The following NRXN3 variants were observed in gnomAD, a reference collection of about 807,000 sequenced individuals.
NRXN3 encodes the protein neurexin III.
NRXN3 carries 32 observed loss-of-function variants against 137.6 expected under a neutral mutation model. The observed-to-expected ratio is 0.23, with a 90% CI of 0.18 to 0.31. NRXN3 has a LOEUF of 0.31. NRXN3 is among the 10% of genes least tolerant of loss of function. The pLI, the probability that NRXN3 is intolerant of heterozygous loss-of-function variation, is 1.00. For missense variants in NRXN3, 1,574 were observed against 2,062.5 expected, an observed-to-expected ratio of 0.76 and a Z score of 4.59; for synonymous variants, 798 against 784.5, an observed-to-expected ratio of 1.02 and a Z score of -0.29.
chr14:78,835,623 A>G (rs2098994514), intron 10 of NRXN3, among the ~76,000 whole-genome samples: 1 of 152,016 alleles, frequency 6.6e-6, no homozygotes, highest in African/African-American at 2.4e-5. Context: ...TTTTGTTGCT[A>G]TTGCTCTAGT....
intron 4 of NRXN3, chr14:78,403,941 T>C: frequency 1.1e-6 from 1 of 936,204 alleles, no homozygotes. Flanking sequence ...GGTGGGCTGT[T>C]CCCCATTTGC....
chr14:78,723,327 C>A (rs2098468683), intron 8 of NRXN3, among the ~76,000 whole-genome samples: 1 of 152,138 alleles, frequency 6.6e-6, no homozygotes, highest in South Asian at 2.1e-4. Flanking sequence ...AGTTTTCGAA[C>A]ATATCTGATA....
chr14:79,356,685 G>A (rs1484614497), intron 15 of NRXN3, among the ~76,000 whole-genome samples: 1 of 152,048 alleles, frequency 6.6e-6, no homozygotes, highest in African/African-American at 2.4e-5. Flanking sequence ...CCGCCCCACT[G>A]CCTCCCCATT....
intron 11 of NRXN3, among the ~76,000 whole-genome samples, chr14:78,964,479 C>CTGGT (rs921702865): frequency 2.6e-5 from 4 of 152,186 alleles, no homozygotes; most frequent in African/African-American, 9.6e-5. Flanking sequence ...GTGTTAGGGG[C>CTGGT]TGAGCTAAGC....
Position 79,566,304 on chromosome 14 carries a change from G to T in NRXN3, c.3445-97474G>T, listed in dbSNP as rs1285057608. Among the ~76,000 whole-genome samples the T allele has an allele frequency of 6.6e-5, 10 of 152,206 alleles. No homozygotes were observed. In the South Asian group the frequency reaches 1.9e-3, roughly 28 times the overall value. On this transcript the variant is annotated intron_variant, in intron 16 of 20. Transcript: ENST00000335750. ...CTCTGGGATAAAGCCAAACAGAGAA[G>T]AAACTCAAGGACCATAGAATCTTTC...
chr14:78,243,380 C>T lies in NRXN3; in HGVS notation c.287C>T (p.Thr96Ile). 1 of 1,564,962 alleles carries T rather than the reference C, an allele frequency of 6.4e-7. No homozygotes were observed. The highest frequency in any genetic ancestry group is 1.2e-5 in the South Asian group (1 of 86,362). ...QLRFSMDCAE[T>I]AVLSNKQVND... is the part of the protein sequence containing the mutation. Reference sequence around the variant, plus strand: ...CGCTTCAGCATGGACTGTGCCGAGACTGCCGTGCTGTCCAACAAGCAGGTG... The same window carrying T: ...CGCTTCAGCATGGACTGTGCCGAGATTGCCGTGCTGTCCAACAAGCAGGTG... Residue 96 changes from threonine to isoleucine, a missense_variant, in exon 2 of 21, where the codon ACT (threonine) becomes ATT (isoleucine). Physicochemically the swap from Thr to Ile is moderately conservative, Grantham distance 89 (BLOSUM62 -1). Transcript: ENST00000335750. The surrounding 1 kb of genome is among the most constrained non-coding windows in gnomAD (Gnocchi z 4.2).
At chr14:79,504,059 T>G (rs970303309) in intron 16 of NRXN3, among the ~76,000 whole-genome samples, 1 of 152,202 alleles carries the variant, frequency 6.6e-6, no homozygotes, top group Admixed American at 6.5e-5. Context: ...TGGATCTATC[T>G]TCTATATATT....
chr14:78,345,893 G>A (rs1229782482), intron 4 of NRXN3, among the ~76,000 whole-genome samples: 1 of 152,178 alleles, frequency 6.6e-6, no homozygotes, highest in Non-Finnish European at 1.5e-5. Flanking sequence ...GTAGCATCAG[G>A]TCCCTGGGGA....
In NRXN3 at chr14:79,646,942, CT is replaced by C. The variant is rs139847123; in HGVS notation, c.3445-16833del. Among the ~76,000 whole-genome samples the C allele has an allele frequency of 5.7e-3, 777 of 135,662 alleles. 49 individuals are homozygous for C. The highest frequency in any genetic ancestry group is 0.018 in the African/African-American group (750 of 40,892). 89.0% of individuals were successfully genotyped at this position (135,662 alleles called of 152,430 possible). On this transcript the variant is annotated intron_variant, in intron 16 of 20. Coordinates refer to ENST00000335750, the MANE Select transcript of NRXN3 (RefSeq NM_001330195.2). Reference sequence around the variant, plus strand: ...CTGAGTGTATCCAGGCCTATTTCATCTTTGTAGGAGGCAAAGGGAAAGAGAA... The same window carrying C: ...CTGAGTGTATCCAGGCCTATTTCATCTTGTAGGAGGCAAAGGGAAAGAGAA...
At chr14:79,687,520 T>A (rs1221150869) in intron 17 of NRXN3, among the ~76,000 whole-genome samples, 1 of 152,232 alleles carries the variant, frequency 6.6e-6, no homozygotes, top group Non-Finnish European at 1.5e-5. Flanking sequence ...ATTTATTCTT[T>A]GACTGTTCAT....
chr14:78,490,069 C>T (rs1338706171), intron 4 of NRXN3, among the ~76,000 whole-genome samples: 1 of 152,096 alleles, frequency 6.6e-6, no homozygotes, highest in Non-Finnish European at 1.5e-5. Flanking sequence ...CACATGCCAC[C>T]ATGCCTGGCT....
intron 11 of NRXN3, among the ~76,000 whole-genome samples, chr14:78,962,143 G>C (rs2099409330): frequency 6.6e-6 from 1 of 152,166 alleles, no homozygotes; most frequent in African/African-American, 2.4e-5. Context: ...CATTGTACTA[G>C]TAAAGATATG....
chr14:79,117,865 C>G (rs748844305), intron 15 of NRXN3, among the ~76,000 whole-genome samples: 1 of 152,146 alleles, frequency 6.6e-6, no homozygotes, highest in Non-Finnish European at 1.5e-5. Flanking sequence ...ATGATCCCAC[C>G]AAGGCCTGGG....
chr14:78,205,370 A>G (rs1225662289), intron 1 of NRXN3, among the ~76,000 whole-genome samples: 3 of 152,252 alleles, frequency 2.0e-5, no homozygotes, highest in Non-Finnish European at 4.4e-5. Context: ...TACCACTGGC[A>G]TGGTGCAATG....
rs1598808964 is a variant in NRXN3 at position 79,331,949 on chromosome 14, T to C, written c.3263-135272T>C. On this transcript the variant is annotated intron_variant, in intron 15 of 20. Coordinates refer to ENST00000335750, the MANE Select transcript of NRXN3 (RefSeq NM_001330195.2). ...TGTATTTCATTCAGGCAGATACTTT[T>C]ACTTTATTACATTCCCAAATGAGGA... Among the ~76,000 whole-genome samples, 3 of 152,274 alleles carry C rather than the reference T, an allele frequency of 2.0e-5. No individual in the cohort carries two copies. The East Asian group carries it at 5.8e-4, about 29-fold the overall frequency.
chr14:78,675,064 G>A (rs1033152817), intron 6 of NRXN3, among the ~76,000 whole-genome samples: 6 of 152,202 alleles, frequency 3.9e-5, no homozygotes, highest in Admixed American at 2.0e-4. Context: ...GGTGGCACCA[G>A]ACTCTGAAGA....
At chr14:79,778,423 A>C (rs1482102626) in intron 19 of NRXN3, among the ~76,000 whole-genome samples, 1 of 152,212 alleles carries the variant, frequency 6.6e-6, no homozygotes, top group Non-Finnish European at 1.5e-5. Flanking sequence ...CTCAAAACAA[A>C]AAAACAAAAC....
intron 4 of NRXN3, among the ~76,000 whole-genome samples, chr14:78,403,169 A>G (rs2092230547): frequency 1.3e-5 from 2 of 152,222 alleles, no homozygotes; most frequent in African/African-American, 4.8e-5. Context: ...TATTTACTAC[A>G]GAATATTCCA....
At chr14:79,516,378 A>G (rs1030840105) in intron 16 of NRXN3, among the ~76,000 whole-genome samples, 1 of 152,108 alleles carries the variant, frequency 6.6e-6, no homozygotes, top group Admixed American at 6.5e-5. Context: ...TCCAGTCACA[A>G]GAGAGTTTGT....
Sources: allele counts gnomAD v4.1 joint callset (sites outside exome capture counted in the v4.1 genomes callset), GRCh38; gene constraint gnomAD v4.1.1; non-coding constraint Gnocchi (gnomAD v3.1); transcripts MANE v1.5; gene names NCBI Gene and HGNC (gene_info 2026-07-23, HGNC 2026-07-21).